OTUD7A: variants seen among roughly 807,000 people sequenced by gnomAD.
OTUD7A encodes the protein OTU deubiquitinase 7A.
A neutral mutation model predicts 65.7 loss-of-function variants in OTUD7A; 12 were observed. That is an observed-to-expected ratio of 0.18 (90% CI 0.12 to 0.30). The LOEUF (loss-of-function observed/expected upper bound fraction) is 0.30. Among genes scored for constraint, OTUD7A ranks in the 10% least tolerant of loss-of-function variants. The pLI is 1.00. For synonymous variants in OTUD7A, 641 were observed against 586.3 expected (o/e 1.09, Z -1.35); for missense variants, 1,148 against 1,304.8 (o/e 0.88, Z 1.85).
At chr15:31,870,250 C>T (rs1487042854) in intron 1 of OTUD7A, among the ~76,000 whole-genome samples, 2 of 148,422 alleles carry the variant, frequency 1.3e-5, no homozygotes, top group Admixed American at 6.7e-5. Flanking sequence ...CACGCCGGGC[C>T]GGAGCCGGTG....
At chr15:31,573,243 G>GA (rs1219478583) in intron 3 of OTUD7A, among the ~76,000 whole-genome samples, 1 of 152,178 alleles carries the variant, frequency 6.6e-6, no homozygotes, top group Non-Finnish European at 1.5e-5. Flanking sequence ...TATGAGCTAA[G>GA]AAAGCTTTAT....
chr15:31,783,805 C>T (rs574031823), intron 1 of OTUD7A, among the ~76,000 whole-genome samples: 27 of 152,272 alleles, frequency 1.8e-4, no homozygotes, highest in Non-Finnish European at 1.2e-4. Context: ...TAACTGAAAA[C>T]GATCATTTTT....
chr15:31,829,656 T>C (rs1896883529), intron 1 of OTUD7A, among the ~76,000 whole-genome samples: 1 of 152,194 alleles, frequency 6.6e-6, no homozygotes, highest in Non-Finnish European at 1.5e-5. Flanking sequence ...CCATTCCCTC[T>C]TGGGGACCTC....
chr15:31,692,590 C>T (rs1209399104), intron 1 of OTUD7A, among the ~76,000 whole-genome samples: 1 of 120,364 alleles, frequency 8.3e-6, no homozygotes, highest in African/African-American at 2.7e-5. Context: ...CACCAACATG[C>T]AGTTGGATAG....
At chr15:31,652,000 CAAAAAAA>C (rs34951638) in intron 3 of OTUD7A, among the ~76,000 whole-genome samples, 2 of 114,716 alleles carry the variant, frequency 1.7e-5, no homozygotes, top group East Asian at 2.4e-4. Flanking sequence ...CATAGAAAGG[CAAAAAAA>C]AAAAAAAAAA....
intron 10 of OTUD7A, among the ~76,000 whole-genome samples, chr15:31,495,955 A>G (rs1267536535): frequency 6.6e-6 from 1 of 150,898 alleles, no homozygotes; most frequent in Non-Finnish European, 1.5e-5. Flanking sequence ...AGTCCCACCT[A>G]CTCGGGAGGC....
chr15:31,781,928 G>C (rs1251356808), intron 1 of OTUD7A, among the ~76,000 whole-genome samples: 1 of 152,192 alleles, frequency 6.6e-6, no homozygotes, highest in Non-Finnish European at 1.5e-5. Flanking sequence ...CAGGATCTTG[G>C]TGATACTGCC....
chr15:31,730,123 C>G (rs1032963871), intron 1 of OTUD7A, among the ~76,000 whole-genome samples: 1 of 152,162 alleles, frequency 6.6e-6, no homozygotes, highest in African/African-American at 2.4e-5. Context: ...CTTCCTCTCT[C>G]TCTGCCATGT....
Position 31,527,022 on chromosome 15 carries a change from T to C in OTUD7A, c.780+159A>G, listed in dbSNP as rs1595584850. Among the ~76,000 whole-genome samples the C allele has an allele frequency of 1.3e-5, 2 of 152,342 alleles. 1 individual carries two copies. Among genetic ancestry groups the C allele is most frequent in the East Asian group, 3.9e-4 (2 of 5,188 alleles). On this transcript the variant is annotated intron_variant, in intron 7 of 12. Coordinates refer to ENST00000307050, the MANE Select transcript of OTUD7A (RefSeq NM_001382637.1). Reference sequence around the variant, plus strand: ...GCTATTTTAACAGGCTCCTCCTCTGTGGGCTTAAAAGCAGGAGACTTTCCT... The same window carrying C: ...GCTATTTTAACAGGCTCCTCCTCTGCGGGCTTAAAAGCAGGAGACTTTCCT...
intron 1 of OTUD7A, among the ~76,000 whole-genome samples, chr15:31,846,819 ATTAT>A (rs1323359475): frequency 1.3e-5 from 2 of 152,246 alleles, no homozygotes; most frequent in African/African-American, 4.8e-5. Context: ...CGCATATATG[ATTAT>A]TTATGTCTTC....
At chr15:31,858,734 C>A (rs562521231) in intron 1 of OTUD7A, among the ~76,000 whole-genome samples, 5 of 152,348 alleles carry the variant, frequency 3.3e-5, no homozygotes. Flanking sequence ...CCGGCCAGCC[C>A]CACCATTCAC....
At chr15:31,587,749 G>A (rs935354643) in intron 3 of OTUD7A, among the ~76,000 whole-genome samples, 6 of 152,080 alleles carry the variant, frequency 3.9e-5, no homozygotes, top group Non-Finnish European at 7.3e-5. Context: ...ATGGCCTCCA[G>A]GCCCTTGGCA....
intron 1 of OTUD7A, among the ~76,000 whole-genome samples, chr15:31,722,613 G>T (rs866077829): frequency 7.7e-4 from 118 of 152,352 alleles, no homozygotes; most frequent in African/African-American, 2.2e-3. Context: ...GGTTTGAAGA[G>T]GGATGGAATG....
chr15:31,742,603 T>C (rs1894372387), intron 1 of OTUD7A, among the ~76,000 whole-genome samples: 1 of 152,052 alleles, frequency 6.6e-6, no homozygotes, highest in South Asian at 2.1e-4. Flanking sequence ...CCTAAACATA[T>C]ACATAATTGA....
intron 1 of OTUD7A, among the ~76,000 whole-genome samples, chr15:31,838,827 T>C (rs1040929913): frequency 4.6e-5 from 7 of 152,180 alleles, no homozygotes; most frequent in Non-Finnish European, 8.8e-5. Flanking sequence ...CTAACTCATT[T>C]TGAGGGTCCT....
At chr15:31,531,776 G>A (rs1887632975) in intron 5 of OTUD7A, among the ~76,000 whole-genome samples, 1 of 152,186 alleles carries the variant, frequency 6.6e-6, no homozygotes, top group Non-Finnish European at 1.5e-5. Context: ...GGGAGTGTCA[G>A]AGAAGGCTGA....
At chr15:31,867,026 A>G (rs1326289428) in intron 1 of OTUD7A, among the ~76,000 whole-genome samples, 2 of 152,084 alleles carry the variant, frequency 1.3e-5, no homozygotes. Context: ...AGTAGGAGAG[A>G]GGAGTCTTTG....
At chr15:31,631,664 G>C (rs1891160223) in intron 3 of OTUD7A, among the ~76,000 whole-genome samples, 1 of 152,118 alleles carries the variant, frequency 6.6e-6, no homozygotes, top group Non-Finnish European at 1.5e-5. Context: ...AGTTCTCCTG[G>C]AAAATATCCT....
chr15:31,870,145 T>G (rs943977093), intron 1 of OTUD7A, among the ~76,000 whole-genome samples: 1 of 149,608 alleles, frequency 6.7e-6, no homozygotes, highest in African/African-American at 2.4e-5. Context: ...GCCCCACGCC[T>G]GGCATCACGT....
Sources: gnomAD v4.1 joint callset for allele counts (sites outside exome capture counted in the v4.1 genomes callset) on GRCh38, gnomAD v4.1.1 for gene constraint, MANE v1.5 for transcripts, NCBI Gene and HGNC (gene_info 2026-07-23, HGNC 2026-07-21) for gene names.